The following NSD2 variants were observed in gnomAD, a reference collection of about 807,000 sequenced individuals.
The protein encoded by NSD2 is nuclear receptor binding SET domain protein 2.
NSD2 carries 12 observed loss-of-function variants against 139.0 expected under a neutral mutation model. The observed-to-expected ratio is 0.09, with a 90% confidence interval of 0.06 to 0.14. The LOEUF is 0.14. Among genes scored for constraint, NSD2 ranks in the 10% least tolerant of loss-of-function variants. NSD2 has a pLI of 1.00. For missense variants in NSD2, 1,155 were observed against 1,745.0 expected, an observed-to-expected ratio of 0.66 and a Z score of 6.02; for synonymous variants, 669 against 648.7, an observed-to-expected ratio of 1.03 and a Z score of -0.48.
intron 1 of NSD2, among the ~76,000 whole-genome samples, chr4:1,877,741 G>A (rs373990613): frequency 2.2e-4 from 33 of 152,252 alleles, no homozygotes; most frequent in African/African-American, 7.2e-4. Context: ...TGCTGCCTCC[G>A]ACTAGTGCCC....
intron 1 of NSD2, among the ~76,000 whole-genome samples, chr4:1,874,168 G>C (rs887332660): frequency 4.6e-5 from 7 of 152,108 alleles, no homozygotes; most frequent in African/African-American, 1.7e-4. Context: ...TTTTTGTTTT[G>C]TTTTTTGGTG....
chr4:1,889,189 C>A (rs113627824), intron 1 of NSD2, among the ~76,000 whole-genome samples: 1 of 151,582 alleles, frequency 6.6e-6, no homozygotes, highest in African/African-American at 2.4e-5. Flanking sequence ...TGAGCCACTG[C>A]GCCCAGTCGT....
rs756429370 is a variant in NSD2 at position 1,978,882 on chromosome 4, C to T, written c.4071C>T (p.Gly1357=). 4.4e-6 allele frequency: 7 copies of T among 1,579,904 alleles called. No homozygotes were observed. In the African/African-American group the frequency reaches 5.4e-5, roughly 12 times the overall value. ...KPKGKRRRRR[G]WRRVTEGK is the part of the protein sequence containing the mutation. ...AGGGGAAGAGGCGGCGGCGGAGGGG[C>T]TGGCGGAGAGTCACAGAGGGCAAAT... The change falls in exon 22 of 22, where the codon GGC becomes GGT. Residue 1357 remains glycine (G), a synonymous_variant. Coordinates refer to ENST00000508803, the MANE Select transcript of NSD2 (RefSeq NM_001042424.3).
intron 5 of NSD2, among the ~76,000 whole-genome samples, chr4:1,930,042 CG>C (rs977787496): frequency 6.6e-6 from 1 of 152,132 alleles, no homozygotes; most frequent in African/African-American, 2.4e-5. Flanking sequence ...TAGCATGCTC[CG>C]GGTGCTGATG....
At chr4:1,945,162 A>G in intron 9 of NSD2, 1 of 1,066,880 alleles carries the variant, frequency 9.4e-7, no homozygotes, top group Non-Finnish European at 1.1e-6. Flanking sequence ...TTTTTTGTTT[A>G]AGTACTTCAC....
Position 1,956,596 on chromosome 4 carries a change from GTGCT to G in NSD2, c.2881+411_2881+414del, listed in dbSNP as rs1000869031. 6.6e-6 allele frequency among the ~76,000 whole-genome samples: 1 copy of G among 152,198 alleles called. No homozygotes were observed. Among genetic ancestry groups the G allele is most frequent in the Non-Finnish European group, 1.5e-5 (1 of 68,046 alleles). ...AATCAGGGGTGGTCAAGCAGACAAG[GTGCT>G]TGGCCTCTGATTCCCCAGCTGGGGT... On this transcript the variant is annotated intron_variant, in intron 15 of 21. Coordinates refer to ENST00000508803, the MANE Select transcript of NSD2 (RefSeq NM_001042424.3). The surrounding 1 kb of genome is among the most constrained non-coding windows in gnomAD (Gnocchi z 5.3).
At chr4:1,925,164 G>A (rs1221489400) in intron 5 of NSD2, among the ~76,000 whole-genome samples, 2 of 152,110 alleles carry the variant, frequency 1.3e-5, no homozygotes, top group Non-Finnish European at 2.9e-5. Flanking sequence ...CTGTAACCTA[G>A]GTCTTTCTAC....
chr4:1,885,288 C>G (rs1272750872), intron 1 of NSD2, among the ~76,000 whole-genome samples: 1 of 152,092 alleles, frequency 6.6e-6, no homozygotes, highest in Non-Finnish European at 1.5e-5. Flanking sequence ...TGGATTAAAT[C>G]AGTAAAGGGC....
At chr4:1,964,632 G>GCTGCC (rs557563025) in intron 18 of NSD2, among the ~76,000 whole-genome samples, 325 of 152,090 alleles carry the variant, frequency 2.1e-3, no homozygotes, top group African/African-American at 7.7e-3. Flanking sequence ...GGTGCGCTGC[G>GCTGCC]CTGCCGTTGT....
chr4:1,926,563 C>T (rs1471722956), intron 5 of NSD2, among the ~76,000 whole-genome samples: 5 of 151,972 alleles, frequency 3.3e-5, no homozygotes, highest in East Asian at 1.9e-4. Flanking sequence ...CTCCGCCTTC[C>T]GGGTTCAAGC....
chr4:1,959,696 G>C lies in NSD2; in HGVS notation c.3211G>C (p.Asp1071His). ...QYPETKIIKT[D>H]GKGWGLVAKR... The stretch of plus-strand genomic sequence containing the variant: ...CCCAGAGACCAAGATCATCAAGACA[G>C]ATGGCAAAGGGTGGGGCCTGGTCGC... The change falls in exon 17 of 22, where the codon GAT becomes CAT. Residue 1071 changes from aspartate to histidine, a missense_variant. Physicochemically the swap from Asp to His is moderately conservative, Grantham distance 81 (BLOSUM62 -1). Coordinates refer to ENST00000508803, the MANE Select transcript of NSD2 (RefSeq NM_001042424.3). 1 of 1,614,034 alleles carries C rather than the reference G, an allele frequency of 6.2e-7. No individual in the cohort carries two copies. Among genetic ancestry groups the C allele is most frequent in the South Asian group, 1.1e-5 (1 of 91,072 alleles).
rs777895570 is a variant in NSD2, at chr4:1,904,423, T to G, written c.760+45T>G. On this transcript the variant is annotated intron_variant, in intron 3 of 21. Transcript: ENST00000508803. ...GTTTTTCCAACTTTCTCTTCTGCAC[T>G]TAATCTTTCTCATCTCCAGGCTTCT... is the stretch of plus-strand genomic sequence containing the variant. 7 of 1,556,970 alleles carry G rather than the reference T, an allele frequency of 4.5e-6. No homozygotes were observed. In the Admixed American group the frequency reaches 1.3e-4, roughly 30 times the overall value.
chr4:1,951,876 T>G (rs542072206), intron 10 of NSD2: 45 of 561,062 alleles, frequency 8.0e-5, no homozygotes, highest in Non-Finnish European at 1.3e-4. Context: ...GTTACTTCCT[T>G]TGCCATTGCT....
At chr4:1,910,956 C>T (rs1323649093) in intron 3 of NSD2, among the ~76,000 whole-genome samples, 2 of 152,160 alleles carry the variant, frequency 1.3e-5, no homozygotes, top group Non-Finnish European at 2.9e-5. Flanking sequence ...CCATTCTTGG[C>T]TTCCGCAGAC....
intron 9 of NSD2, chr4:1,945,764 G>C (rs1231610166): frequency 9.4e-7 from 1 of 1,064,134 alleles, no homozygotes; most frequent in Non-Finnish European, 1.1e-6. Context: ...ATCAGTCACT[G>C]CGTCTGGGCC....
intron 1 of NSD2, among the ~76,000 whole-genome samples, chr4:1,890,871 A>T (rs1466236985): frequency 6.6e-6 from 1 of 152,052 alleles, no homozygotes; most frequent in African/African-American, 2.4e-5. Flanking sequence ...TGCTGGGATT[A>T]CAGGGGTAAG....
intron 1 of NSD2, among the ~76,000 whole-genome samples, chr4:1,885,331 A>G (rs1284671493): frequency 1.3e-5 from 2 of 152,168 alleles, no homozygotes; most frequent in Non-Finnish European, 2.9e-5. Context: ...CCTATCTCAG[A>G]CACCTGCTTA....
chr4:1,925,122 C>G (rs1720694640), intron 5 of NSD2, among the ~76,000 whole-genome samples: 1 of 152,174 alleles, frequency 6.6e-6, no homozygotes, highest in Non-Finnish European at 1.5e-5. Context: ...ATAAGCAATT[C>G]TAAACTTGAG....
rs759644191 is a variant in NSD2 at position 1,974,735 on chromosome 4, A to G, written c.3373-128A>G. On this transcript the variant is annotated intron_variant, in intron 18 of 21. Transcript: ENST00000508803. The surrounding 1 kb of genome is among the most constrained non-coding windows in gnomAD (Gnocchi z 4.0). ...GGGGGTGTCCTGTCTCAGTGGACAC[A>G]GGACACCACGGTTTTCAGTACAACA... 3.0e-6 allele frequency: 4 copies of G among 1,352,906 alleles called. No homozygotes were observed. Among genetic ancestry groups the G allele is most frequent in the Admixed American group, 3.4e-5 (2 of 59,380 alleles). The allele number at this position is 1,352,906 out of a possible 1,614,324, so 83.8% of individuals were successfully genotyped here. A position where few individuals can be genotyped will look rare whatever the true frequency, so the allele number is the denominator to read the frequency against.
Sources: allele counts gnomAD v4.1 joint callset (sites outside exome capture counted in the v4.1 genomes callset), GRCh38; gene constraint gnomAD v4.1.1; non-coding constraint Gnocchi (gnomAD v3.1); transcripts MANE v1.5; gene names NCBI Gene and HGNC (gene_info 2026-07-23, HGNC 2026-07-21).